Variants in UBE2E2 observed in about 807,000 individuals in gnomAD.
UBE2E2 encodes ubiquitin-conjugating enzyme E2 E2.
A neutral mutation model predicts 24.7 loss-of-function variants in UBE2E2; 6 were observed. That is an observed-to-expected ratio of 0.24 (90% CI 0.13 to 0.48). UBE2E2 has a LOEUF of 0.48. UBE2E2 is among the 20% of genes least tolerant of loss of function. The pLI, the probability that UBE2E2 is intolerant of heterozygous loss-of-function variation, is 0.99. For synonymous variants in UBE2E2, 104 were observed against 83.6 expected, an observed-to-expected ratio of 1.24 and a Z score of -1.33; for missense variants, 169 against 245.0, an observed-to-expected ratio of 0.69 and a Z score of 2.07.
intron 4 of UBE2E2, among the ~76,000 whole-genome samples, chr3:23,504,908 C>CATTCTTTTTTTTTTTTT (rs1559405467): frequency 3.0e-5 from 2 of 67,212 alleles, no homozygotes; most frequent in African/African-American, 7.4e-5. Context: ...TTCAGACATT[C>CATTCTTTTTTTTTTTTT]TTTCTTTTTT....
intron 3 of UBE2E2, among the ~76,000 whole-genome samples, chr3:23,352,272 G>A (rs1247539310): frequency 6.6e-6 from 1 of 151,886 alleles, no homozygotes; most frequent in Non-Finnish European, 1.5e-5. Context: ...ATGCCCACAA[G>A]AGAAAGCAGG....
At chr3:23,479,714 T>G (rs1427177637) in intron 3 of UBE2E2, among the ~76,000 whole-genome samples, 1 of 152,124 alleles carries the variant, frequency 6.6e-6, no homozygotes, top group African/African-American at 2.4e-5. Context: ...AGACCTGAAA[T>G]GTGTAGCTCC....
intron 3 of UBE2E2, among the ~76,000 whole-genome samples, chr3:23,463,592 C>G (rs1368710293): frequency 6.6e-6 from 1 of 152,056 alleles, no homozygotes; most frequent in African/African-American, 2.4e-5. Context: ...GGAAATCTTG[C>G]AAAGAGGGCC....
intron 3 of UBE2E2, among the ~76,000 whole-genome samples, chr3:23,272,089 G>A (rs983856913): frequency 3.3e-5 from 5 of 152,200 alleles, no homozygotes; most frequent in African/African-American, 4.8e-5. Flanking sequence ...GGTGATGCCT[G>A]TTGGGGAGGC....
chr3:23,452,992 TACTGCTTAG>T lies in UBE2E2; in HGVS notation c.228-46612_228-46604del, dbSNP rs759725721. 2.0e-5 allele frequency among the ~76,000 whole-genome samples: 3 copies of T among 152,316 alleles called. No homozygotes were observed. The South Asian group carries it at 6.2e-4, about 32-fold the overall frequency. ...CCTGTTTTTCCCATAAGTGCACTAA[TACTGCTTAG>T]ACTCTATGTCCCATTTTTAATAGTA... On this transcript the variant is annotated intron_variant, in intron 3 of 5. Coordinates refer to ENST00000396703, the MANE Select transcript of UBE2E2 (RefSeq NM_152653.4).
At chr3:23,522,312 A>G (rs1300660418) in intron 4 of UBE2E2, among the ~76,000 whole-genome samples, 1 of 151,952 alleles carries the variant, frequency 6.6e-6, no homozygotes, top group Non-Finnish European at 1.5e-5. Flanking sequence ...GTGCATTTTT[A>G]GTAGAGACAG....
intron 3 of UBE2E2, among the ~76,000 whole-genome samples, chr3:23,348,462 T>C (rs1351278265): frequency 2.0e-5 from 3 of 152,114 alleles, no homozygotes; most frequent in African/African-American, 7.2e-5. Context: ...TTTTCAAAGT[T>C]CAAAGATAAG....
intron 3 of UBE2E2, among the ~76,000 whole-genome samples, chr3:23,299,801 C>T (rs937529972): frequency 5.4e-4 from 82 of 152,186 alleles, no homozygotes; most frequent in South Asian, 2.7e-3. Context: ...CTATTAGGTC[C>T]ACTTGGTGCA....
chr3:23,365,267 C>T (rs61342179), intron 3 of UBE2E2, among the ~76,000 whole-genome samples: 2,259 of 152,116 alleles, frequency 0.015, 54 homozygotes, highest in African/African-American at 0.052. Context: ...ACTAGAAGTC[C>T]GAGCCAGAGC....
chr3:23,246,146 G>C (rs902880677), intron 3 of UBE2E2, among the ~76,000 whole-genome samples: 2 of 151,830 alleles, frequency 1.3e-5, no homozygotes, highest in Non-Finnish European at 2.9e-5. Flanking sequence ...CTGGGCTCAA[G>C]TGGGGCTCAA....
intron 5 of UBE2E2, among the ~76,000 whole-genome samples, chr3:23,550,275 C>A (rs1255040745): frequency 3.9e-5 from 6 of 152,044 alleles, no homozygotes; most frequent in Admixed American, 2.6e-4. Flanking sequence ...TATGAGTCTG[C>A]CTCTTTATTC....
intron 4 of UBE2E2, among the ~76,000 whole-genome samples, chr3:23,529,809 G>A (rs1349117120): frequency 6.6e-6 from 1 of 152,154 alleles, no homozygotes; most frequent in Non-Finnish European, 1.5e-5. Context: ...CATTAACTTA[G>A]GCTAGTGTCT....
chr3:23,237,747 G>A (rs1575493599), intron 3 of UBE2E2, among the ~76,000 whole-genome samples: 1 of 152,100 alleles, frequency 6.6e-6, no homozygotes, highest in East Asian at 1.9e-4. Flanking sequence ...GAGGTCTTAC[G>A]TCTTTGCTGG....
intron 3 of UBE2E2, among the ~76,000 whole-genome samples, chr3:23,301,842 G>C (rs1425380236): frequency 7.1e-6 from 1 of 140,880 alleles, no homozygotes; most frequent in East Asian, 1.9e-4. Flanking sequence ...CCAGTCTTCT[G>C]CGTGGCTGAC....
chr3:23,270,950 G>A, intron 3 of UBE2E2: 1 of 456,714 alleles, frequency 2.2e-6, no homozygotes, highest in South Asian at 1.5e-5. Flanking sequence ...TTGTTAACAG[G>A]CTGTTCCTGA....
At chr3:23,363,802 G>C (rs547813288) in intron 3 of UBE2E2, among the ~76,000 whole-genome samples, 2 of 151,880 alleles carry the variant, frequency 1.3e-5, no homozygotes, top group East Asian at 3.9e-4. Context: ...GGGCCTAGTA[G>C]ACATCTACAG....
intron 3 of UBE2E2, among the ~76,000 whole-genome samples, chr3:23,382,477 C>T (rs1023166230): frequency 7.2e-5 from 11 of 152,162 alleles, no homozygotes; most frequent in Middle Eastern, 3.4e-3. Context: ...CCACCGTGCC[C>T]GGCCTTACTT....
intron 3 of UBE2E2, among the ~76,000 whole-genome samples, chr3:23,350,366 A>G (rs1054298085): frequency 6.6e-6 from 1 of 152,232 alleles, no homozygotes; most frequent in Non-Finnish European, 1.5e-5. Context: ...CTCACCAGCA[A>G]TGGAACGAAG....
intron 3 of UBE2E2, among the ~76,000 whole-genome samples, chr3:23,365,614 A>G (rs1292558757): frequency 6.6e-6 from 1 of 152,156 alleles, no homozygotes; most frequent in East Asian, 1.9e-4. Flanking sequence ...AAGACATCAT[A>G]GGTGACACAA....
Sources: gnomAD v4.1 joint callset for allele counts (sites outside exome capture counted in the v4.1 genomes callset) on GRCh38, gnomAD v4.1.1 for gene constraint, MANE v1.5 for transcripts, NCBI Gene and HGNC (gene_info 2026-07-23, HGNC 2026-07-21) for gene names.